ZMYND11: variants seen among roughly 807,000 people sequenced by gnomAD.
ZMYND11 encodes the protein zinc finger MYND-type containing 11, also known as zinc finger MYND domain-containing protein 11.
Under a neutral mutation model 84.9 loss-of-function variants are expected in ZMYND11, and 9 were observed. The ratio of observed to expected loss-of-function variants is 0.11; its 90% CI spans 0.06 to 0.18. ZMYND11 has a LOEUF of 0.18. Ranked by LOEUF, ZMYND11 falls within the 10% of genes least tolerant of loss-of-function variation. ZMYND11 has a pLI of 1.00. For synonymous variants in ZMYND11, 250 were observed against 244.1 expected, an observed-to-expected ratio of 1.02 and a Z score of -0.23; for missense variants, 409 against 761.0, an observed-to-expected ratio of 0.54 and a Z score of 5.44.
At chr10:155,128 T>C (rs1249633905) in intron 1 of ZMYND11, among the ~76,000 whole-genome samples, 1 of 152,220 alleles carries the variant, frequency 6.6e-6, no homozygotes, top group Non-Finnish European at 1.5e-5. Flanking sequence ...GCATCTCATA[T>C]GGTTAAAAAG....
intron 14 of ZMYND11, among the ~76,000 whole-genome samples, chr10:250,488 C>T (rs924483295): frequency 2.6e-5 from 4 of 152,056 alleles, no homozygotes; most frequent in Non-Finnish European, 5.9e-5. Context: ...GAGCAAGACC[C>T]TGTCTCTTAA....
At chr10:176,198 T>A (rs1554766895) in intron 1 of ZMYND11, among the ~76,000 whole-genome samples, 1 of 152,160 alleles carries the variant, frequency 6.6e-6, no homozygotes, top group Non-Finnish European at 1.5e-5. Context: ...TTGCAGTACA[T>A]CTGGATTTGT....
chr10:233,251 A>T (rs7912326), intron 4 of ZMYND11, among the ~76,000 whole-genome samples: 37,780 of 152,126 alleles, frequency 0.25, 5,858 homozygotes, highest in Non-Finnish European at 0.35. Flanking sequence ...GACATGCACA[A>T]GTCTTAGCTG....
At chr10:251,119 C>T (rs1953396469) in intron 14 of ZMYND11, among the ~76,000 whole-genome samples, 1 of 152,080 alleles carries the variant, frequency 6.6e-6, no homozygotes, top group Non-Finnish European at 1.5e-5. Flanking sequence ...ATGCCAGATG[C>T]CGAATAATGG....
At chr10:195,784 C>T (rs1271147257) in intron 2 of ZMYND11, among the ~76,000 whole-genome samples, 2 of 152,140 alleles carry the variant, frequency 1.3e-5, no homozygotes, top group East Asian at 3.8e-4. Context: ...GAGTTGGTTT[C>T]TGCTTTCTTT....
At chr10:185,493 T>TAA (rs531517790) in intron 2 of ZMYND11, among the ~76,000 whole-genome samples, 23,214 of 80,450 alleles carry the variant, frequency 0.29, 3,727 homozygotes, top group Non-Finnish European at 0.39. Flanking sequence ...GGTTTTTCTT[T>TAA]AAAAAAAAAA....
At chr10:157,767 G>A (rs1221636334) in intron 1 of ZMYND11, among the ~76,000 whole-genome samples, 4 of 152,170 alleles carry the variant, frequency 2.6e-5, no homozygotes, top group African/African-American at 7.2e-5. Context: ...ATACAAATCA[G>A]TGGTTTCTAC....
At chr10:141,655 G>T (rs1837525375) in intron 1 of ZMYND11, among the ~76,000 whole-genome samples, 1 of 152,168 alleles carries the variant, frequency 6.6e-6, no homozygotes, top group African/African-American at 2.4e-5. Context: ...AAAGTACTCT[G>T]TTGAAAAGTA....
chr10:150,709 C>A (rs578213754), intron 1 of ZMYND11, among the ~76,000 whole-genome samples: 1 of 152,304 alleles, frequency 6.6e-6, no homozygotes, highest in African/African-American at 2.4e-5. Context: ...ACTTAAATGT[C>A]CCTGTCTGAC....
chr10:210,206 C>T (rs1385806889), intron 3 of ZMYND11, among the ~76,000 whole-genome samples, 158 bp downstream of exon 3: 7 of 152,112 alleles, frequency 4.6e-5, no homozygotes, highest in African/African-American at 1.7e-4. Flanking sequence ...GGATACTTTC[C>T]TTACTAATTA....
intron 3 of ZMYND11, among the ~76,000 whole-genome samples, chr10:214,682 A>AT (rs1945852590): frequency 6.6e-6 from 1 of 152,142 alleles, no homozygotes; most frequent in South Asian, 2.1e-4. Flanking sequence ...TTTTCTTTTG[A>AT]TTTTTTAAAA....
intron 1 of ZMYND11, among the ~76,000 whole-genome samples, chr10:170,398 CAA>C (rs1427628092): frequency 6.6e-6 from 1 of 150,542 alleles, no homozygotes; most frequent in South Asian, 2.1e-4. Context: ...TTTTTCGAAA[CAA>C]TAATAGTAAC....
intron 10 of ZMYND11, among the ~76,000 whole-genome samples, chr10:245,400 G>T (rs1346745312): frequency 6.6e-6 from 1 of 152,158 alleles, no homozygotes; most frequent in African/African-American, 2.4e-5. Context: ...TTCCCTAAGA[G>T]ATTCCTTCCA....
chr10:183,603 G>C (rs1185756956), intron 2 of ZMYND11, among the ~76,000 whole-genome samples: 1 of 151,978 alleles, frequency 6.6e-6, no homozygotes, highest in East Asian at 1.9e-4. Context: ...GTTACCATGT[G>C]GTATGGTTCA....
intron 1 of ZMYND11, among the ~76,000 whole-genome samples, chr10:178,895 T>A (rs1847235534): frequency 6.6e-6 from 1 of 152,180 alleles, no homozygotes; most frequent in Admixed American, 6.5e-5. Flanking sequence ...CTGAGTAGGC[T>A]GTGAAGAAAC....
chr10:200,226 A>G (rs994835391), intron 2 of ZMYND11, among the ~76,000 whole-genome samples: 42 of 8,018 alleles, frequency 5.2e-3, no homozygotes, highest in Non-Finnish European at 0.02. Flanking sequence ...GTGTGTGTGT[A>G]TAATATATAT....
At chr10:171,762 C>T (rs1405890586) in intron 1 of ZMYND11, among the ~76,000 whole-genome samples, 1 of 152,156 alleles carries the variant, frequency 6.6e-6, no homozygotes, top group Non-Finnish European at 1.5e-5. Flanking sequence ...ACAAACCCTA[C>T]AGCTAACATC....
chr10:250,243 A>C (rs924326391), intron 14 of ZMYND11, among the ~76,000 whole-genome samples: 1 of 152,226 alleles, frequency 6.6e-6, no homozygotes, highest in Admixed American at 6.5e-5. Flanking sequence ...ACTCAGTTTT[A>C]GTTGGGTATG....
In ZMYND11 at chr10:227,279, C is replaced by T. The variant is rs555244694; in HGVS notation, c.438+5923C>T. ...AGGAACTATTCCTAAAATTTATTTG[C>T]TCCTGCCCTTCTTAAAATACTCAGA... On this transcript the variant is annotated intron_variant, in intron 4 of 14. Coordinates refer to ENST00000381604, the MANE Select transcript of ZMYND11 (RefSeq NM_001370100.5). Among the ~76,000 whole-genome samples the T allele has an allele frequency of 2.6e-5, 4 of 152,304 alleles. No individual in the cohort carries two copies. The South Asian group carries it at 8.3e-4, about 32-fold the overall frequency.
Sources: gnomAD v4.1 joint callset for allele counts (sites outside exome capture counted in the v4.1 genomes callset) on GRCh38, gnomAD v4.1.1 for gene constraint, MANE v1.5 for transcripts, NCBI Gene and HGNC (gene_info 2026-07-23, HGNC 2026-07-21) for gene names.